PPP2R2C: variants seen among roughly 807,000 people sequenced by gnomAD.
The protein encoded by PPP2R2C is protein phosphatase 2, regulatory subunit B, gamma.
Under a neutral mutation model 45.3 loss-of-function variants are expected in PPP2R2C, and 10 were observed. The observed-to-expected ratio is 0.22, with a 90% CI of 0.14 to 0.37. The LOEUF is 0.37. Among genes scored for constraint, PPP2R2C ranks in the 10% least tolerant of loss-of-function variants. PPP2R2C has a pLI of 1.00. For missense variants in PPP2R2C, 308 were observed against 619.7 expected, an observed-to-expected ratio of 0.50 and a Z score of 5.34; for synonymous variants, 257 against 245.4, an observed-to-expected ratio of 1.05 and a Z score of -0.44.
At chr4:6,342,081 TACACACACACACACACACACACACAC>T (rs58305750) in intron 6 of PPP2R2C, among the ~76,000 whole-genome samples, 1 of 139,616 alleles carries the variant, frequency 7.2e-6, no homozygotes, top group Non-Finnish European at 1.5e-5. Context: ...TCTGCCACGA[TACACACACACACACACACACACACAC>T]ACACACACAC....
chr4:6,348,659 G>T (rs1456491168), intron 5 of PPP2R2C: 3 of 985,218 alleles, frequency 3.0e-6, no homozygotes, highest in Non-Finnish European at 3.6e-6. Context: ...TGAAAAGGCT[G>T]GGATGCAGCT....
chr4:6,397,423 C>T (rs931576372), intron 1 of PPP2R2C, among the ~76,000 whole-genome samples: 3 of 152,338 alleles, frequency 2.0e-5, no homozygotes, highest in South Asian at 2.1e-4. Flanking sequence ...CCCTGCGCTG[C>T]GGGGGTCTCC....
chr4:6,363,747 C>T (rs1383717311), intron 5 of PPP2R2C, among the ~76,000 whole-genome samples: 1 of 152,090 alleles, frequency 6.6e-6, no homozygotes, highest in Admixed American at 6.5e-5. Context: ...CAAGGTCACA[C>T]ATAGCCAGAT....
chr4:6,548,288 C>G (rs1725062546), intron 1 of PPP2R2C, among the ~76,000 whole-genome samples: 1 of 152,146 alleles, frequency 6.6e-6, no homozygotes, highest in African/African-American at 2.4e-5. Context: ...GGATGGCTAA[C>G]ACTCAGCCTC....
chr4:6,421,409 T>C (rs887415160), intron 1 of PPP2R2C, among the ~76,000 whole-genome samples: 3 of 152,070 alleles, frequency 2.0e-5, no homozygotes, highest in Non-Finnish European at 4.4e-5. Flanking sequence ...CCAAATGGAG[T>C]GAGGGTTTGT....
intron 3 of PPP2R2C, among the ~76,000 whole-genome samples, chr4:6,376,930 G>T (rs1257051436): frequency 6.6e-6 from 1 of 152,200 alleles, no homozygotes; most frequent in East Asian, 1.9e-4. Context: ...TGCATGGCGG[G>T]AGAACACCAT....
At chr4:6,466,268 TC>T (rs890396949) in intron 1 of PPP2R2C, among the ~76,000 whole-genome samples, 1 of 152,082 alleles carries the variant, frequency 6.6e-6, no homozygotes, top group African/African-American at 2.4e-5. Context: ...ATTCCCAGGC[TC>T]CCCCGTCCCA....
intron 6 of PPP2R2C, among the ~76,000 whole-genome samples, chr4:6,344,245 C>T (rs1476177351): frequency 6.6e-6 from 1 of 152,216 alleles, no homozygotes; most frequent in African/African-American, 2.4e-5. Context: ...TAAAAGTTAA[C>T]GTTCACTGCA....
chr4:6,332,081 G>T lies in PPP2R2C; in HGVS notation c.960+1481C>A, dbSNP rs1349713516. On this transcript the variant is annotated intron_variant, in intron 7 of 8. Transcript: ENST00000382599. The surrounding 1 kb of genome is among the most constrained non-coding windows in gnomAD (Gnocchi z 4.9). ...GGGTCCTTCATGAGAATTTCAGAAAGCTGTGTCCCCCTCCCCCTGAAAATG... is the reference window on the plus strand; with the variant it reads ...GGGTCCTTCATGAGAATTTCAGAAATCTGTGTCCCCCTCCCCCTGAAAATG... 1.3e-5 allele frequency among the ~76,000 whole-genome samples: 2 copies of T among 152,192 alleles called. No homozygotes were observed. Among genetic ancestry groups the T allele is most frequent in the Admixed American group, 6.5e-5 (1 of 15,280 alleles).
Position 6,548,447 on chromosome 4 carries a change from G to A in PPP2R2C, c.-58-13070C>T, listed in dbSNP as rs569372223. 8.5e-5 allele frequency among the ~76,000 whole-genome samples: 13 copies of A among 152,306 alleles called. No homozygotes were observed. In the East Asian group the frequency reaches 1.9e-3, roughly 23 times the overall value. The stretch of plus-strand genomic sequence containing the variant: ...GGCTGATGAGGGTGCAGAGCGCCTG[G>A]AACCCTTGTGCGTGACATCTGTGGA... On this transcript the variant is annotated intron_variant, in intron 1 of 9. Coordinates refer to the PPP2R2C transcript ENST00000506140.
intron 1 of PPP2R2C, chr4:6,555,579 C>T (rs1169972516): frequency 6.6e-6 from 1 of 152,240 alleles, no homozygotes; most frequent in Non-Finnish European, 1.5e-5. Context: ...AGGCCTGCAG[C>T]CGCAGGCCCT....
chr4:6,562,475 G>GA (rs1560624415), intron 1 of PPP2R2C, among the ~76,000 whole-genome samples: 3 of 151,576 alleles, frequency 2.0e-5, no homozygotes, highest in African/African-American at 7.3e-5. Context: ...AGTCGGGGGG[G>GA]GGGGTTGGAT....
Position 6,329,530 on chromosome 4 carries a change from C to T in PPP2R2C, c.961-177G>A, listed in dbSNP as rs1732233787. ...CACAGCCCGACACAGCCCTGCTCAT[C>T]TCATCGGGAGGCCCATGACCAGGCA... On this transcript the variant is annotated intron_variant, in intron 7 of 8. Transcript: ENST00000382599. This position sits in a 1 kb window ranked among gnomAD's most constrained non-coding sequence, Gnocchi z 5.8. 6.6e-6 allele frequency among the ~76,000 whole-genome samples: 1 copy of T among 152,140 alleles called. No homozygotes were observed. The highest frequency in any genetic ancestry group is 1.5e-5 in the Non-Finnish European group (1 of 68,026).
chr4:6,439,373 G>C (rs1720039350), intron 1 of PPP2R2C, among the ~76,000 whole-genome samples: 1 of 152,208 alleles, frequency 6.6e-6, no homozygotes. Context: ...TCATACGGGG[G>C]TGCTTTTCCA....
intron 2 of PPP2R2C, among the ~76,000 whole-genome samples, chr4:6,491,783 AT>A (rs901365870): frequency 5.3e-5 from 8 of 152,134 alleles, no homozygotes; most frequent in African/African-American, 1.7e-4. Flanking sequence ...CCTGCTGGCC[AT>A]GTGAATATGT....
intron 1 of PPP2R2C, among the ~76,000 whole-genome samples, chr4:6,459,849 A>C (rs886461427): frequency 1.3e-5 from 2 of 152,188 alleles, no homozygotes; most frequent in Non-Finnish European, 2.9e-5. Context: ...TGTTGGATCT[A>C]GTCGCCACTA....
intron 1 of PPP2R2C, among the ~76,000 whole-genome samples, chr4:6,557,712 A>T (rs555780789): frequency 1.3e-5 from 2 of 152,146 alleles, no homozygotes; most frequent in Non-Finnish European, 2.9e-5. Context: ...GGGAGTCTGG[A>T]TTGGGAGGCC....
chr4:6,357,815 G>C (rs969267241), intron 5 of PPP2R2C, among the ~76,000 whole-genome samples: 2 of 152,174 alleles, frequency 1.3e-5, no homozygotes, highest in Non-Finnish European at 2.9e-5. Flanking sequence ...AGCAAAGCGG[G>C]GTTTCTTCCA....
rs1381178714 is a variant in PPP2R2C, at chr4:6,471,072, C to G, written c.70+1088G>C. Among the ~76,000 whole-genome samples, 1 of 152,182 alleles carries G rather than the reference C, an allele frequency of 6.6e-6. No individual in the cohort carries two copies. The highest frequency in any genetic ancestry group is 2.4e-5 in the African/African-American group (1 of 41,464). On this transcript the variant is annotated intron_variant, in intron 1 of 8. Coordinates refer to ENST00000382599, the MANE Select transcript of PPP2R2C (RefSeq NM_020416.4). This position sits in a 1 kb window ranked among gnomAD's most constrained non-coding sequence, Gnocchi z 5.6. ...GCGGACCCAGCCGCAGGAGCCCGGT[C>G]TCCGCCGCCTGGCCCACTCGGTCTC...
Sources: allele counts gnomAD v4.1 joint callset (sites outside exome capture counted in the v4.1 genomes callset), GRCh38; gene constraint gnomAD v4.1.1; non-coding constraint Gnocchi (gnomAD v3.1); transcripts MANE v1.5; gene names NCBI Gene and HGNC (gene_info 2026-07-23, HGNC 2026-07-21).